KHDRBS2: variants seen among roughly 807,000 people sequenced by gnomAD.
The protein encoded by KHDRBS2 is KH RNA binding domain containing, signal transduction associated 2, also known as KH domain-containing, RNA-binding, signal transduction-associated protein 2.
A neutral mutation model predicts 44.3 loss-of-function variants in KHDRBS2; 26 were observed. That is an observed-to-expected ratio of 0.59 (90% CI 0.43 to 0.81). KHDRBS2 has a LOEUF of 0.81. Among genes scored for constraint, KHDRBS2 ranks in the 40% least tolerant of loss-of-function variants. KHDRBS2 has a pLI of 0.00. For synonymous variants in KHDRBS2, 194 were observed against 151.1 expected, an observed-to-expected ratio of 1.28 and a Z score of -2.08; for missense variants, 476 against 433.1, an observed-to-expected ratio of 1.10 and a Z score of -0.88.
chr6:61,850,027 GCTC>G (rs942913667), intron 6 of KHDRBS2, among the ~76,000 whole-genome samples: 2 of 152,048 alleles, frequency 1.3e-5, no homozygotes, highest in Non-Finnish European at 2.9e-5. Context: ...TAAAATCCAA[GCTC>G]CTCAGAGTAG....
At chr6:61,702,449 T>C (rs1415401602) in intron 7 of KHDRBS2, among the ~76,000 whole-genome samples, 2 of 151,968 alleles carry the variant, frequency 1.3e-5, no homozygotes, top group South Asian at 4.1e-4. Flanking sequence ...GCCACTGAAT[T>C]GTGAGACATC....
At chr6:61,933,037 C>A (rs1810383566) in intron 4 of KHDRBS2, among the ~76,000 whole-genome samples, 1 of 152,084 alleles carries the variant, frequency 6.6e-6, no homozygotes, top group Non-Finnish European at 1.5e-5. Context: ...GGAAACTGGG[C>A]AATTTATAAA....
chr6:61,670,717 G>A, the KHDRBS2 span, among the ~76,000 whole-genome samples: 2 of 98,424 alleles, frequency 2.0e-5, no homozygotes, highest in African/African-American at 4.2e-5. Context: ...AATCAGAGAT[G>A]TTTGCTCATC....
intron 6 of KHDRBS2, among the ~76,000 whole-genome samples, chr6:61,848,571 A>ATACG (rs1358152551): frequency 1.5e-5 from 1 of 68,706 alleles, no homozygotes; most frequent in African/African-American, 6.5e-5. Flanking sequence ...ATGTATATAT[A>ATACG]TATACATATA....
the KHDRBS2 span, among the ~76,000 whole-genome samples, chr6:61,545,558 A>G: frequency 0.016 from 2,406 of 146,568 alleles, 65 homozygotes; most frequent in African/African-American, 0.058. Context: ...TTTCTTTCTA[A>G]TTTTCACACA....
chr6:61,655,225 T>TACACACACAC, the KHDRBS2 span, among the ~76,000 whole-genome samples: 145 of 145,298 alleles, frequency 1.0e-3, no homozygotes, highest in African/African-American at 3.4e-3. Flanking sequence ...CATACATACA[T>TACACACACAC]ACACACACAC....
At chr6:62,033,461 G>T (rs1784710365) in intron 3 of KHDRBS2, among the ~76,000 whole-genome samples, 1 of 151,818 alleles carries the variant, frequency 6.6e-6, no homozygotes, top group African/African-American at 2.4e-5. Flanking sequence ...TACTAAAGCA[G>T]CAAGATAAAA....
intron 2 of KHDRBS2, among the ~76,000 whole-genome samples, chr6:62,106,171 A>G (rs1269946088): frequency 1.3e-5 from 2 of 152,072 alleles, no homozygotes; most frequent in Admixed American, 6.5e-5. Context: ...GTTCTTTTAC[A>G]TTTGCTGAGG....
chr6:61,746,043 T>TTTTAGTTTAG (rs370422384), intron 6 of KHDRBS2, among the ~76,000 whole-genome samples: 2 of 144,962 alleles, frequency 1.4e-5, no homozygotes, highest in South Asian at 2.2e-4. Context: ...TTTTATTTTA[T>TTTTAGTTTAG]TTTAGTTTAG....
chr6:62,242,877 C>T (rs1834918544), intron 1 of KHDRBS2, among the ~76,000 whole-genome samples: 1 of 152,150 alleles, frequency 6.6e-6, no homozygotes, highest in Non-Finnish European at 1.5e-5. Flanking sequence ...GTTTTGCCTG[C>T]AGGACATGCT....
chr6:61,981,404 C>T (rs1461613084), intron 3 of KHDRBS2, among the ~76,000 whole-genome samples: 1 of 151,558 alleles, frequency 6.6e-6, no homozygotes, highest in Non-Finnish European at 1.5e-5. Flanking sequence ...TTTATGTTAA[C>T]ATTTATCACA....
chr6:61,955,518 A>G lies in KHDRBS2; in HGVS notation c.483+22548T>C, dbSNP rs531260846. 1.6e-3 allele frequency among the ~76,000 whole-genome samples: 83 copies of G among 53,396 alleles called. 12 individuals are homozygous for G. Among genetic ancestry groups the G allele is most frequent in the South Asian group, 4.9e-3 (7 of 1,426 alleles). The allele number at this position is 53,396 out of a possible 152,430, so 35.0% of individuals were successfully genotyped here. On this transcript the variant is annotated intron_variant, in intron 4 of 8. Transcript: ENST00000281156. The stretch of plus-strand genomic sequence containing the variant: ...TACATGTGTATATATACACATATGT[A>G]TGTATGTATACATGTGTATATATAC...
chr6:61,980,288 A>C (rs1423453310), intron 3 of KHDRBS2, among the ~76,000 whole-genome samples: 2 of 152,150 alleles, frequency 1.3e-5, no homozygotes, highest in Admixed American at 6.6e-5. Context: ...AGAATATATC[A>C]TAAATTGTTC....
At chr6:61,732,849 T>C (rs1774713808) in intron 6 of KHDRBS2, 85 bp from the exon 7 acceptor site, 3 of 766,324 alleles carry the variant, frequency 3.9e-6, no homozygotes, top group Admixed American at 3.8e-5. Flanking sequence ...TTATACAATG[T>C]GATCTTGGTT....
At chr6:61,856,076 C>A (rs1466209025) in intron 6 of KHDRBS2, among the ~76,000 whole-genome samples, 1 of 152,110 alleles carries the variant, frequency 6.6e-6, no homozygotes, top group Admixed American at 6.6e-5. Flanking sequence ...GTCTCACTGT[C>A]TTTCCTTTTT....
At chr6:61,934,527 A>T (rs1562469803) in intron 4 of KHDRBS2, among the ~76,000 whole-genome samples, 1 of 152,210 alleles carries the variant, frequency 6.6e-6, no homozygotes, top group Non-Finnish European at 1.5e-5. Context: ...ACATCTATTC[A>T]AAGTCAGTAG....
At chr6:61,714,612 G>A (rs1457476143) in intron 7 of KHDRBS2, among the ~76,000 whole-genome samples, 2 of 151,800 alleles carry the variant, frequency 1.3e-5, no homozygotes, top group Non-Finnish European at 2.9e-5. Context: ...GTTTATCACA[G>A]CACTATTCAC....
chr6:61,792,507 G>A (rs1264478791), intron 6 of KHDRBS2, among the ~76,000 whole-genome samples: 2 of 151,088 alleles, frequency 1.3e-5, no homozygotes, highest in Non-Finnish European at 3.0e-5. Flanking sequence ...TACTAATTTG[G>A]CTCTTATTTT....
intron 6 of KHDRBS2, among the ~76,000 whole-genome samples, chr6:61,782,021 G>T (rs1336444303): frequency 1.3e-5 from 2 of 152,056 alleles, no homozygotes; most frequent in African/African-American, 4.8e-5. Context: ...GTGTTTTTTG[G>T]TTTGTTTCTT....
Sources: allele counts gnomAD v4.1 joint callset (sites outside exome capture counted in the v4.1 genomes callset), GRCh38; gene constraint gnomAD v4.1.1; transcripts MANE v1.5; gene names NCBI Gene and HGNC (gene_info 2026-07-23, HGNC 2026-07-21).